The following CAMK2G variants were observed in gnomAD, a reference collection of about 807,000 sequenced individuals.
CAMK2G encodes calcium/calmodulin dependent protein kinase II gamma.
Under a neutral mutation model 88.7 loss-of-function variants are expected in CAMK2G, and 23 were observed. The observed-to-expected ratio is 0.26, with a 90% CI of 0.19 to 0.37. The LOEUF is 0.37. Ranked by LOEUF, CAMK2G falls within the 10% of genes least tolerant of loss-of-function variation. The pLI, the probability that CAMK2G is intolerant of heterozygous loss-of-function variation, is 1.00. For missense variants in CAMK2G, 476 were observed against 780.8 expected, an observed-to-expected ratio of 0.61 and a Z score of 4.65; for synonymous variants, 263 against 294.8, an observed-to-expected ratio of 0.89 and a Z score of 1.11.
intron 14 of CAMK2G, 76 bp downstream of exon 14, chr10:73,837,392 G>A: frequency 2.6e-6 from 3 of 1,132,556 alleles, no homozygotes; most frequent in Middle Eastern, 2.0e-4. Context: ...GGGAAAGGGG[G>A]AACCAGGTGC....
chr10:73,868,712 C>T (rs1158694617), intron 2 of CAMK2G, among the ~76,000 whole-genome samples: 5 of 152,198 alleles, frequency 3.3e-5, no homozygotes, highest in Non-Finnish European at 5.9e-5. Context: ...TCCCTCACTT[C>T]ACCCAGATCC....
chr10:73,840,619 G>A (rs763034001), intron 12 of CAMK2G, among the ~76,000 whole-genome samples: 5 of 152,200 alleles, frequency 3.3e-5, no homozygotes, highest in Non-Finnish European at 7.4e-5. Flanking sequence ...AAAATGCTTT[G>A]TCCTAACACC....
intron 2 of CAMK2G, among the ~76,000 whole-genome samples, chr10:73,862,088 C>G (rs1373815931): frequency 6.6e-6 from 1 of 152,170 alleles, no homozygotes; most frequent in Non-Finnish European, 1.5e-5. Flanking sequence ...GTCCCCAGAT[C>G]CAAGTGAGCT....
In CAMK2G at chr10:73,874,516, C is replaced by T; in HGVS notation, c.-55G>A. 1.6e-6 allele frequency: 2 copies of T among 1,283,570 alleles called. No homozygotes were observed. Among genetic ancestry groups the T allele is most frequent in the Non-Finnish European group, 2.1e-6 (2 of 963,242 alleles). 79.5% of individuals were successfully genotyped at this position (1,283,570 alleles called of 1,614,324 possible). On this transcript the variant is annotated 5_prime_UTR_variant, in exon 1 of 23. Transcript: ENST00000423381. Reference sequence around the variant, plus strand: ...GCCCGCGCCGACGTCGGTGCACAGTCACCGCCGCCCGGCCGAGGGAGCAAG... The same window carrying T: ...GCCCGCGCCGACGTCGGTGCACAGTTACCGCCGCCCGGCCGAGGGAGCAAG...
At chr10:73,816,352 A>G (rs950980854) in intron 21 of CAMK2G, 8 of 999,362 alleles carry the variant, frequency 8.0e-6, no homozygotes, top group Admixed American at 5.5e-5. Context: ...AATTTCCTCT[A>G]TTGTGAAACC....
intron 20 of CAMK2G, 69 bp downstream of exon 20, chr10:73,817,410 T>G (rs72814357): frequency 0.013 from 14,605 of 1,127,502 alleles, 125 homozygotes; most frequent in Non-Finnish European, 0.017. Flanking sequence ...GGGTCCTAAT[T>G]GTTGTCTGGA....
chr10:73,863,368 T>C (rs1422538902), intron 2 of CAMK2G, among the ~76,000 whole-genome samples: 2 of 152,224 alleles, frequency 1.3e-5, no homozygotes, highest in Non-Finnish European at 2.9e-5. Flanking sequence ...AGCGAGGCAC[T>C]CAAGGAGGCT....
At chr10:73,819,839 C>T (rs1589802875) in intron 18 of CAMK2G, among the ~76,000 whole-genome samples, 194 bp from the exon 19 acceptor site, 1 of 152,222 alleles carries the variant, frequency 6.6e-6, no homozygotes, top group Non-Finnish European at 1.5e-5. Flanking sequence ...GAGAGGCCTC[C>T]CAGCTGAGGG....
intron 2 of CAMK2G, among the ~76,000 whole-genome samples, chr10:73,861,558 G>A (rs919937075): frequency 3.9e-5 from 6 of 152,124 alleles, no homozygotes; most frequent in Non-Finnish European, 7.4e-5. Context: ...GTTTCACCAC[G>A]TTGGCCAGGT....
intron 14 of CAMK2G, among the ~76,000 whole-genome samples, chr10:73,829,679 A>G (rs2092022765): frequency 1.0e-5 from 1 of 99,306 alleles, no homozygotes; most frequent in African/African-American, 4.8e-5. Flanking sequence ...GTTCCCTTAT[A>G]TTCATATATA....
chr10:73,848,463 T>A lies in CAMK2G; in HGVS notation c.601+63A>T, dbSNP rs1388523601. 1.9e-6 allele frequency: 2 copies of A among 1,048,172 alleles called. No homozygotes were observed. Among genetic ancestry groups the A allele is most frequent in the Non-Finnish European group, 1.5e-6 (1 of 672,042 alleles). The allele number at this position is 1,048,172 out of a possible 1,614,324, so 64.9% of individuals were successfully genotyped here. A position where few individuals can be genotyped will look rare whatever the true frequency, so the allele number is the denominator to read the frequency against. On this transcript the variant is annotated intron_variant, in intron 8 of 22. Coordinates refer to ENST00000423381, the MANE Select transcript of CAMK2G (RefSeq NM_001367534.1). This position sits in a 1 kb window ranked among gnomAD's most constrained non-coding sequence, Gnocchi z 4.5. ...TGCAAGGAATAGCGATGCCTCTTTC[T>A]TGCCATCATCGGAAGTTGAGGGCCC...
chr10:73,834,383 T>C (rs1003389290), intron 14 of CAMK2G, among the ~76,000 whole-genome samples: 3 of 152,222 alleles, frequency 2.0e-5, no homozygotes, highest in East Asian at 1.9e-4. Context: ...CAAAAGAATG[T>C]GGCATAAAAC....
chr10:73,845,652 G>C (rs908932979), intron 10 of CAMK2G, among the ~76,000 whole-genome samples: 69 of 151,456 alleles, frequency 4.6e-4, no homozygotes, highest in African/African-American at 1.6e-3. Flanking sequence ...TTCTGGGTCA[G>C]TGAGGGTACA....
chr10:73,850,642 A>G (rs2135002686), intron 5 of CAMK2G, among the ~76,000 whole-genome samples: 1 of 152,390 alleles, frequency 6.6e-6, no homozygotes, highest in South Asian at 2.1e-4. Context: ...GACCCCCGTC[A>G]TCAGGCACTA....
intron 2 of CAMK2G, among the ~76,000 whole-genome samples, chr10:73,862,855 A>G (rs1465886722): frequency 3.3e-5 from 5 of 152,198 alleles, no homozygotes; most frequent in African/African-American, 1.2e-4. Context: ...CTCTACCCTA[A>G]ACAGCAAAAA....
intron 3 of CAMK2G, among the ~76,000 whole-genome samples, chr10:73,855,982 C>A (rs1367833086): frequency 6.6e-6 from 1 of 152,006 alleles, no homozygotes; most frequent in Non-Finnish European, 1.5e-5. Flanking sequence ...CTATGTTGCC[C>A]AGGCTGGGCT....
At chr10:73,819,442 G>A in intron 19 of CAMK2G, 90 bp downstream of exon 19, 2 of 874,404 alleles carry the variant, frequency 2.3e-6, no homozygotes, top group Non-Finnish European at 3.7e-6. Flanking sequence ...CGGGCAGGTG[G>A]GTGGGACTGA....
rs747331697 is a variant in CAMK2G, at chr10:73,852,283, G to A, written c.312C>T (p.Ala104=). The change falls in exon 5 of 23, where the codon GCC becomes GCT. Residue 104 remains alanine, a synonymous_variant. Transcript: ENST00000423381. Reference sequence around the variant, plus strand: ...CATCTGCTTCACTGTAGTACTCTCTGGCCACAATGTCTTCAAACAGCTCCC... The same window carrying A: ...CATCTGCTTCACTGTAGTACTCTCTAGCCACAATGTCTTCAAACAGCTCCC... ...TGGELFEDIV[A]REYYSEADAS... 1.5e-5 allele frequency: 25 copies of A among 1,613,968 alleles called. 1 individual carries two copies. Among genetic ancestry groups the A allele is most frequent in the Middle Eastern group, 3.3e-4 (2 of 6,062 alleles).
intron 21 of CAMK2G, 32 bp downstream of exon 21, chr10:73,816,991 C>A: frequency 1.9e-6 from 3 of 1,613,958 alleles, no homozygotes; most frequent in Non-Finnish European, 2.5e-6. Flanking sequence ...AAGGGGCAGG[C>A]AGGAGTATAT....
Sources: allele counts gnomAD v4.1 joint callset (sites outside exome capture counted in the v4.1 genomes callset), GRCh38; gene constraint gnomAD v4.1.1; non-coding constraint Gnocchi (gnomAD v3.1); transcripts MANE v1.5; gene names NCBI Gene and HGNC (gene_info 2026-07-23, HGNC 2026-07-21).